Variants in CHP1 observed in about 807,000 individuals in gnomAD.
CHP1 encodes calcineurin like EF-hand protein 1.
A neutral mutation model predicts 27.4 loss-of-function variants in CHP1; 11 were observed. The observed-to-expected ratio is 0.40, with a 90% confidence interval of 0.25 to 0.67. The LOEUF (loss-of-function observed/expected upper bound fraction) is 0.67. CHP1 is among the 30% of genes least tolerant of loss of function. The pLI is 0.38. For synonymous variants in CHP1, 89 were observed against 87.4 expected, an observed-to-expected ratio of 1.02 and a Z score of -0.10; for missense variants, 169 against 251.3, an observed-to-expected ratio of 0.67 and a Z score of 2.22.
intron 2 of CHP1, among the ~76,000 whole-genome samples, chr15:41,246,633 T>C (rs932340840): frequency 1.5e-4 from 22 of 142,684 alleles, no homozygotes; most frequent in Non-Finnish European, 2.8e-4. Flanking sequence ...GCTTTTTTTT[T>C]TTTTTTTTTT....
At position 41,279,458 on chromosome 15, in the gene CHP1, C is replaced by T; in HGVS notation, c.*69C>T. ...AACTTGAAAGTCCTCCTTCTACCAA[C>T]TCCACCTCCACCCCCTCATTCCCCT... is the stretch of plus-strand genomic sequence containing the variant. On this transcript the variant is annotated 3_prime_UTR_variant, in exon 7 of 7. Coordinates refer to ENST00000334660, the MANE Select transcript of CHP1 (RefSeq NM_007236.5). 2 of 1,235,246 alleles carry T rather than the reference C, an allele frequency of 1.6e-6. No homozygotes were observed. Among genetic ancestry groups the T allele is most frequent in the Non-Finnish European group, 2.4e-6 (2 of 842,112 alleles). 76.5% of individuals were successfully genotyped at this position (1,235,246 alleles called of 1,614,324 possible).
intron 2 of CHP1, among the ~76,000 whole-genome samples, chr15:41,252,374 G>A (rs2047373946): frequency 6.6e-6 from 1 of 151,232 alleles, no homozygotes; most frequent in Admixed American, 6.6e-5. Flanking sequence ...TTACCATCTT[G>A]GCCAGGCTCG....
intron 3 of CHP1, among the ~76,000 whole-genome samples, chr15:41,259,388 A>C (rs2047419715): frequency 6.6e-6 from 1 of 152,168 alleles, no homozygotes; most frequent in African/African-American, 2.4e-5. Flanking sequence ...GACAGAGTGC[A>C]TATGAGGAAG....
intron 1 of CHP1, among the ~76,000 whole-genome samples, chr15:41,233,914 A>G (rs926133755): frequency 3.7e-4 from 56 of 152,136 alleles, no homozygotes; most frequent in African/African-American, 1.3e-3. Flanking sequence ...CAGTTTATCC[A>G]AATAGTGTCC....
chr15:41,233,124 C>T (rs1174782065), intron 1 of CHP1, among the ~76,000 whole-genome samples: 4 of 152,284 alleles, frequency 2.6e-5, no homozygotes, highest in South Asian at 2.1e-4. Context: ...GGAGTGGAGA[C>T]GCAAGCAGTT....
Position 41,279,914 on chromosome 15 carries a change from A to G in CHP1, c.*525A>G, listed in dbSNP as rs1035572633. On this transcript the variant is annotated 3_prime_UTR_variant, in exon 7 of 7. Coordinates refer to ENST00000334660, the MANE Select transcript of CHP1 (RefSeq NM_007236.5). ...CTCCTCTGTTCTACTTGGCACCACA[A>G]GCTATGTCCTATATATGTATTTCTG... The G allele has an allele frequency of 2.0e-5, 3 of 153,102 alleles. No individual in the cohort carries two copies. Among genetic ancestry groups the G allele is most frequent in the African/African-American group, 7.2e-5 (3 of 41,412 alleles). 9.5% of individuals were successfully genotyped at this position (153,102 alleles called of 1,614,324 possible). A position where few individuals can be genotyped will look rare whatever the true frequency, so the allele number is the denominator to read the frequency against.
chr15:41,270,195 C>T (rs16971734), intron 4 of CHP1, among the ~76,000 whole-genome samples: 19,115 of 151,838 alleles, frequency 0.13, 1,760 homozygotes, highest in African/African-American at 0.26. Flanking sequence ...TTGGTTTTCC[C>T]TGAGTGGTAC....
chr15:41,250,739 G>A (rs1383281869), intron 2 of CHP1, among the ~76,000 whole-genome samples: 1 of 150,038 alleles, frequency 6.7e-6, no homozygotes, highest in Non-Finnish European at 1.5e-5. Flanking sequence ...ACCTAATGCT[G>A]AACAATGAAT....
In CHP1 at chr15:41,279,330, C is replaced by A. The variant is rs1438204783; in HGVS notation, c.535-6C>A. 1 of 1,612,670 alleles carries A rather than the reference C, an allele frequency of 6.2e-7. No homozygotes were observed. The highest frequency in any genetic ancestry group is 1.7e-5 in the Admixed American group (1 of 60,004). On this transcript the variant is annotated splice_polypyrimidine_tract_variant and splice_region_variant and intron_variant, in intron 6 of 6. Coordinates refer to ENST00000334660, the MANE Select transcript of CHP1 (RefSeq NM_007236.5). ...CTTTGTAACTGTTACTGGTTTTCTC[C>A]CCCAGGTTTTGGAGAAGGTGGATGT... is the stretch of plus-strand genomic sequence containing the variant.
chr15:41,245,484 C>G (rs1001002212), intron 2 of CHP1, among the ~76,000 whole-genome samples: 4 of 152,142 alleles, frequency 2.6e-5, no homozygotes, highest in Non-Finnish European at 1.5e-5. Context: ...TTGTCTCAAA[C>G]AAACAAACTG....
intron 1 of CHP1, among the ~76,000 whole-genome samples, chr15:41,236,820 T>A (rs2047279242): frequency 6.9e-6 from 1 of 145,784 alleles, no homozygotes; most frequent in Non-Finnish European, 1.5e-5. Flanking sequence ...TGATAATACT[T>A]CTTAATACTA....
intron 3 of CHP1, among the ~76,000 whole-genome samples, chr15:41,261,104 C>CTTCCTTCCTTTTCCTTTCCTT (rs1437791982): frequency 1.3e-5 from 2 of 150,944 alleles, no homozygotes; most frequent in East Asian, 3.9e-4. Flanking sequence ...TCCTCCCTCC[C>CTTCCTTCCTTTTCCTTTCCTT]TTCCTTCCTT....
At chr15:41,255,643 C>T (rs1056421363) in intron 2 of CHP1, among the ~76,000 whole-genome samples, 1 of 152,044 alleles carries the variant, frequency 6.6e-6, no homozygotes, top group African/African-American at 2.4e-5. Context: ...CCACTACACT[C>T]CAGCCTGGGA....
At chr15:41,237,954 C>T (rs910402687) in intron 1 of CHP1, among the ~76,000 whole-genome samples, 3 of 152,194 alleles carry the variant, frequency 2.0e-5, no homozygotes, top group African/African-American at 7.2e-5. Context: ...GTAATCCACC[C>T]ACCTCCCAAA....
At chr15:41,275,934 A>G (rs2047517536) in intron 5 of CHP1, among the ~76,000 whole-genome samples, 1 of 152,080 alleles carries the variant, frequency 6.6e-6, no homozygotes, top group African/African-American at 2.4e-5. Flanking sequence ...GGCCCATGAA[A>G]TCGATTTTTA....
At chr15:41,279,210 CAAA>C (rs74265375) in intron 6 of CHP1, 123 bp from the exon 7 acceptor site, 3,003 of 586,820 alleles carry the variant, frequency 5.1e-3, no homozygotes, top group South Asian at 8.3e-3. Context: ...ACTCTGCCTC[CAAA>C]AAAAAAAAAA....
chr15:41,241,355 G>T (rs1164810522), intron 1 of CHP1, among the ~76,000 whole-genome samples: 1 of 152,238 alleles, frequency 6.6e-6, no homozygotes, highest in East Asian at 1.9e-4. Flanking sequence ...CAGGATGTAA[G>T]CATGATGCTG....
chr15:41,238,167 T>A (rs1326245477), intron 1 of CHP1, among the ~76,000 whole-genome samples: 1 of 151,462 alleles, frequency 6.6e-6, no homozygotes, highest in Non-Finnish European at 1.5e-5. Context: ...TGGCGTGTGT[T>A]TTTTTTTTGA....
intron 1 of CHP1, among the ~76,000 whole-genome samples, chr15:41,235,091 G>T (rs2047270064): frequency 1.3e-5 from 2 of 152,120 alleles, no homozygotes; most frequent in South Asian, 4.2e-4. Context: ...CCTTCTTTCA[G>T]ACTTCTGCAT....
Sources: allele counts gnomAD v4.1 joint callset (sites outside exome capture counted in the v4.1 genomes callset), GRCh38; gene constraint gnomAD v4.1.1; transcripts MANE v1.5; gene names NCBI Gene and HGNC (gene_info 2026-07-23, HGNC 2026-07-21).